The following PALM2AKAP2 variants were observed in gnomAD, a reference collection of about 807,000 sequenced individuals.
PALM2AKAP2 encodes PALM2 and AKAP2 fusion.
PALM2AKAP2 carries 37 observed loss-of-function variants against 71.5 expected under a neutral mutation model. The observed-to-expected ratio is 0.52, with a 90% CI of 0.40 to 0.68. The LOEUF (loss-of-function observed/expected upper bound fraction) is 0.68, where lower values mean the gene tolerates loss of function less well. Ranked by LOEUF, PALM2AKAP2 falls within the 30% of genes least tolerant of loss-of-function variation. The probability of loss-of-function intolerance (pLI) is 0.00; values close to 1 mark genes in which losing one functional copy is unlikely to be tolerated. For synonymous variants in PALM2AKAP2, 468 were observed against 478.8 expected (o/e 0.98, Z 0.29); for missense variants, 1,224 against 1,191.8 (o/e 1.03, Z -0.40).
At chr9:109,644,606 C>A (rs539528532) in intron 1 of PALM2AKAP2, among the ~76,000 whole-genome samples, 1 of 152,256 alleles carries the variant, frequency 6.6e-6, no homozygotes, top group East Asian at 1.9e-4. Context: ...ATCACATTGT[C>A]AGGCTGCAAA....
At chr9:109,992,012 T>C (rs903980319) in intron 6 of PALM2AKAP2, among the ~76,000 whole-genome samples, 1 of 152,206 alleles carries the variant, frequency 6.6e-6, no homozygotes, top group Admixed American at 6.5e-5. Flanking sequence ...AGGACTGCCA[T>C]AGCAAAGTAC....
At chr9:109,832,116 A>G (rs1828317518) in intron 1 of PALM2AKAP2, among the ~76,000 whole-genome samples, 1 of 152,216 alleles carries the variant, frequency 6.6e-6, no homozygotes, top group African/African-American at 2.4e-5. Context: ...GGACAAGCAT[A>G]AAGGATTCAG....
At chr9:109,762,657 G>A (rs1829074156) in intron 1 of PALM2AKAP2, among the ~76,000 whole-genome samples, 1 of 149,786 alleles carries the variant, frequency 6.7e-6, no homozygotes, top group Admixed American at 6.6e-5. Context: ...CTCACTGTGA[G>A]GCAGGAAAAA....
intron 1 of PALM2AKAP2, among the ~76,000 whole-genome samples, chr9:109,759,824 A>C (rs1301594519): frequency 6.6e-6 from 1 of 152,168 alleles, no homozygotes; most frequent in Non-Finnish European, 1.5e-5. Flanking sequence ...CCAATTTCCT[A>C]TACTGATCAT....
At chr9:110,156,582 G>T in intron 3 of PALM2AKAP2, 85 bp downstream of exon 9, 1 of 1,442,696 alleles carries the variant, frequency 6.9e-7, no homozygotes, top group South Asian at 1.6e-5. Flanking sequence ...GCACAAATGT[G>T]TATGTCGTTG....
chr9:109,919,061 A>G (rs889969602), intron 3 of PALM2AKAP2, among the ~76,000 whole-genome samples: 1 of 152,178 alleles, frequency 6.6e-6, no homozygotes, highest in Admixed American at 6.5e-5. Flanking sequence ...TAACCACTTA[A>G]GGTTGCTTCA....
chr9:109,852,647 A>G (rs1300587862), intron 1 of PALM2AKAP2, among the ~76,000 whole-genome samples: 1 of 152,178 alleles, frequency 6.6e-6, no homozygotes, highest in African/African-American at 2.4e-5. Context: ...TGCACTCCCA[A>G]AAACAGAGTA....
chr9:109,647,216 A>G (rs1827167499), intron 1 of PALM2AKAP2, among the ~76,000 whole-genome samples: 1 of 152,166 alleles, frequency 6.6e-6, no homozygotes, highest in Non-Finnish European at 1.5e-5. Flanking sequence ...TATATTCTAC[A>G]TACTTTTTCT....
intron 3 of PALM2AKAP2, among the ~76,000 whole-genome samples, chr9:109,901,320 G>A (rs1251146335): frequency 1.3e-5 from 2 of 152,220 alleles, no homozygotes; most frequent in Admixed American, 6.5e-5. Flanking sequence ...ACAGCTGAGA[G>A]GGGCTTAGCT....
chr9:109,771,195 C>A, intron 1 of PALM2AKAP2, among the ~76,000 whole-genome samples: 1 of 152,170 alleles, frequency 6.6e-6, no homozygotes, highest in South Asian at 2.1e-4. Context: ...ATTTGCAAGT[C>A]ATGCTATGTT....
intron 6 of PALM2AKAP2, among the ~76,000 whole-genome samples, chr9:109,950,538 T>C (rs941217926): frequency 2.0e-5 from 3 of 152,172 alleles, no homozygotes; most frequent in African/African-American, 7.2e-5. Flanking sequence ...AACAGAGTTG[T>C]CATGTCTCAG....
chr9:109,712,020 T>A (rs1178285047), intron 1 of PALM2AKAP2, among the ~76,000 whole-genome samples: 6 of 149,638 alleles, frequency 4.0e-5, no homozygotes, highest in South Asian at 2.1e-4. Context: ...TGTGTGTGTG[T>A]GAGCAACTCA....
In PALM2AKAP2 at chr9:109,685,226, A is replaced by C. The variant is rs531277471; in HGVS notation, c.5+44360A>C. On this transcript the variant is annotated intron_variant, in intron 1 of 6. Coordinates refer to the PALM2AKAP2 transcript ENST00000374531. ...GTTCTGTATCTTGACCATAGTGGAA[A>C]TCCCATGACTGTGTATGTTTATACA... Among the ~76,000 whole-genome samples, 18 of 152,268 alleles carry C rather than the reference A, an allele frequency of 1.2e-4. No individual in the cohort carries two copies. The East Asian group carries it at 3.3e-3, about 28-fold the overall frequency.
chr9:109,953,142 A>T (rs1831675054), intron 6 of PALM2AKAP2, among the ~76,000 whole-genome samples: 1 of 152,152 alleles, frequency 6.6e-6, no homozygotes, highest in African/African-American at 2.4e-5. Flanking sequence ...CATAATATTG[A>T]CTATTGACAG....
intron 1 of PALM2AKAP2, among the ~76,000 whole-genome samples, chr9:109,650,330 T>C (rs1827208430): frequency 7.9e-6 from 1 of 126,480 alleles, no homozygotes; most frequent in Admixed American, 7.7e-5. Context: ...TAATAAAAAT[T>C]ATACTCTGTT....
Position 109,949,706 on chromosome 9 carries a change from C to T in PALM2AKAP2, c.496+17678C>T, listed in dbSNP as rs577272376. On this transcript the variant is annotated intron_variant, in intron 6 of 9. Transcript: ENST00000302798. ...AATAGGCCTTGGTTGGAAGATTGAGCTTTCTATACCTGCCATTAGGTAGAT... is the reference window on the plus strand; with the variant it reads ...AATAGGCCTTGGTTGGAAGATTGAGTTTTCTATACCTGCCATTAGGTAGAT... Among the ~76,000 whole-genome samples, 10 of 152,262 alleles carry T rather than the reference C, an allele frequency of 6.6e-5. No homozygotes were observed. The East Asian group carries it at 1.9e-3, about 29-fold the overall frequency.
intron 1 of PALM2AKAP2, among the ~76,000 whole-genome samples, chr9:109,773,566 A>G (rs1390050998): frequency 6.6e-6 from 1 of 152,198 alleles, no homozygotes; most frequent in African/African-American, 2.4e-5. Context: ...TTTCTCATTC[A>G]CGAACTTTAA....
chr9:110,055,543 T>A (rs75590060), intron 1 of PALM2AKAP2, among the ~76,000 whole-genome samples: 1 of 152,166 alleles, frequency 6.6e-6, no homozygotes, highest in Admixed American at 6.5e-5. Flanking sequence ...TCCTATTCAT[T>A]AGTGTTCTAC....
At chr9:109,768,401 A>G (rs1227118042) in intron 1 of PALM2AKAP2, among the ~76,000 whole-genome samples, 2 of 152,144 alleles carry the variant, frequency 1.3e-5, no homozygotes, top group Non-Finnish European at 2.9e-5. Context: ...GTTTGTACAT[A>G]TGTATGGGAT....
Sources: allele counts gnomAD v4.1 joint callset (sites outside exome capture counted in the v4.1 genomes callset), GRCh38; gene constraint gnomAD v4.1.1; transcripts MANE v1.5; gene names NCBI Gene and HGNC (gene_info 2026-07-23, HGNC 2026-07-21).